RASGEF1C: variants seen among roughly 807,000 people sequenced by gnomAD.
RASGEF1C encodes RasGEF domain family member 1C, also known as ras-GEF domain-containing family member 1C.
In RASGEF1C, 27 loss-of-function variants were observed where a neutral mutation model predicts 58.1. That is an observed-to-expected ratio of 0.46 (90% CI 0.34 to 0.64). The LOEUF is 0.64. Ranked by LOEUF, RASGEF1C falls within the 30% of genes least tolerant of loss-of-function variation. The pLI is 0.01. For synonymous variants in RASGEF1C, 243 were observed against 246.3 expected (o/e 0.99, Z 0.13); for missense variants, 502 against 605.1 (o/e 0.83, Z 1.79).
At chr5:180,172,431 G>A (rs1023938196) in intron 1 of RASGEF1C, among the ~76,000 whole-genome samples, 36 of 152,174 alleles carry the variant, frequency 2.4e-4, no homozygotes, top group Admixed American at 3.3e-4. Flanking sequence ...GGGCCCAGGG[G>A]TCATGAGGCA....
At chr5:180,167,359 A>C (rs1767038953) in intron 1 of RASGEF1C, among the ~76,000 whole-genome samples, 1 of 152,098 alleles carries the variant, frequency 6.6e-6, no homozygotes, top group Admixed American at 6.5e-5. Context: ...TATTAAGTCC[A>C]TCCAGTGAAT....
chr5:180,199,244 A>G (rs2127563956), intron 1 of RASGEF1C, among the ~76,000 whole-genome samples: 1 of 152,306 alleles, frequency 6.6e-6, no homozygotes, highest in East Asian at 1.9e-4. Context: ...AAAGAGTCTG[A>G]CAAATCCGGA....
chr5:180,118,574 T>G (rs1766109939), intron 10 of RASGEF1C, 35 bp downstream of exon 10: 1 of 1,556,752 alleles, frequency 6.4e-7, no homozygotes, highest in Non-Finnish European at 8.7e-7. Flanking sequence ...GGTTCCCTGC[T>G]GCAGCCCCCC....
chr5:180,194,377 A>C (rs944727236), intron 1 of RASGEF1C, among the ~76,000 whole-genome samples: 1 of 152,238 alleles, frequency 6.6e-6, no homozygotes, highest in Non-Finnish European at 1.5e-5. Flanking sequence ...CAAACATTTC[A>C]AGAACGGTGA....
intron 1 of RASGEF1C, among the ~76,000 whole-genome samples, chr5:180,145,161 C>T (rs866974434): frequency 6.6e-6 from 1 of 152,134 alleles, no homozygotes; most frequent in Admixed American, 6.5e-5. Flanking sequence ...CACTCTGTCA[C>T]CCAGGCTGGA....
intron 1 of RASGEF1C, among the ~76,000 whole-genome samples, chr5:180,144,805 A>G (rs1486974323): frequency 6.6e-6 from 1 of 151,798 alleles, no homozygotes; most frequent in Admixed American, 6.6e-5. Context: ...TAACTCCCCA[A>G]TTTCTCCTCC....
chr5:180,105,817 G>A (rs1220094075), intron 12 of RASGEF1C, among the ~76,000 whole-genome samples: 1 of 151,972 alleles, frequency 6.6e-6, no homozygotes, highest in Non-Finnish European at 1.5e-5. Context: ...GCAGTGAGCC[G>A]AGATCGTGCC....
In RASGEF1C at chr5:180,158,247, T is replaced by A. The variant is rs193289644; in HGVS notation, c.-6-20189A>T. 8.8e-4 allele frequency among the ~76,000 whole-genome samples: 134 copies of A among 152,332 alleles called. No homozygotes were observed. Among genetic ancestry groups the A allele is most frequent in the African/African-American group, 3.0e-3 (124 of 41,578 alleles). On this transcript the variant is annotated intron_variant, in intron 1 of 13. Coordinates refer to ENST00000361132, the MANE Select transcript of RASGEF1C (RefSeq NM_175062.4). The surrounding 1 kb of genome is among the most constrained non-coding windows in gnomAD (Gnocchi z 4.0). ...CCCTCTGGATGTGGTACGAAGCTGTTACACTGAGATCACCTTTCACCATCC... is the reference window on the plus strand; with the variant it reads ...CCCTCTGGATGTGGTACGAAGCTGTAACACTGAGATCACCTTTCACCATCC...
At chr5:180,202,223 C>T (rs757615336) in intron 1 of RASGEF1C, among the ~76,000 whole-genome samples, 4 of 151,814 alleles carry the variant, frequency 2.6e-5, no homozygotes, top group Non-Finnish European at 5.9e-5. Flanking sequence ...AACCATAAAA[C>T]AAAAATAAAA....
intron 1 of RASGEF1C, among the ~76,000 whole-genome samples, chr5:180,153,995 G>T (rs1766809807): frequency 6.6e-6 from 1 of 152,202 alleles, no homozygotes; most frequent in Non-Finnish European, 1.5e-5. Context: ...TGTCCCAGAA[G>T]CCCCAGGATG....
Position 180,206,850 on chromosome 5 carries a change from T to C in RASGEF1C, c.-7+2178A>G, listed in dbSNP as rs559664361. On this transcript the variant is annotated intron_variant, in intron 1 of 13. Coordinates refer to ENST00000361132, the MANE Select transcript of RASGEF1C (RefSeq NM_175062.4). ...AACCAGGAGCTGTACGGCTAACTTT[T>C]GTGATAATGCTTAAATGACTTGTTT... is the stretch of plus-strand genomic sequence containing the variant. Among the ~76,000 whole-genome samples the C allele has an allele frequency of 1.1e-4, 16 of 152,312 alleles. No individual in the cohort carries two copies. In the South Asian group the frequency reaches 3.3e-3, roughly 32 times the overall value.
chr5:180,106,323 G>A (rs1369647567), intron 12 of RASGEF1C, among the ~76,000 whole-genome samples: 1 of 152,100 alleles, frequency 6.6e-6, no homozygotes, highest in Non-Finnish European at 1.5e-5. Context: ...TCCTGCTGCT[G>A]GCTTTGAGTT....
chr5:180,119,166 G>A (rs115241460), intron 8 of RASGEF1C, among the ~76,000 whole-genome samples, 180 bp downstream of exon 8: 4 of 152,220 alleles, frequency 2.6e-5, no homozygotes, highest in Admixed American at 2.6e-4. Flanking sequence ...AAAAGGGGTG[G>A]CTCCCCAGGA....
intron 1 of RASGEF1C, among the ~76,000 whole-genome samples, chr5:180,182,204 C>CAAAAAAAAAAAAAAAAA (rs1156831010): frequency 2.2e-4 from 5 of 22,768 alleles, no homozygotes; most frequent in African/African-American, 6.1e-4. Context: ...GACTCCGTCT[C>CAAAAAAAAAAAAAAAAA]AAAAAAAAAA....
intron 1 of RASGEF1C, among the ~76,000 whole-genome samples, chr5:180,201,339 G>A (rs1756391832): frequency 6.6e-6 from 1 of 152,084 alleles, no homozygotes; most frequent in Admixed American, 6.5e-5. Flanking sequence ...AAGGACCTAC[G>A]GAAGCAAAAG....
In RASGEF1C at chr5:180,113,038, C is replaced by T. The variant is rs1349101895; in HGVS notation, c.1179+1408G>A. ...GAGGGACCGGGGATGGACGGAGGGA[C>T]CGGGGATGGACGGAGGGATCCGGGC... On this transcript the variant is annotated intron_variant, in intron 11 of 13. Transcript: ENST00000361132. Among the ~76,000 whole-genome samples, 16 of 103,452 alleles carry T rather than the reference C, an allele frequency of 1.5e-4. 1 individual carries two copies. In the South Asian group the frequency reaches 4.0e-3, roughly 26 times the overall value. The allele number at this position is 103,452 out of a possible 152,430, so 67.9% of individuals were successfully genotyped here.
At chr5:180,166,254 A>G (rs1460326080) in intron 1 of RASGEF1C, among the ~76,000 whole-genome samples, 1 of 152,100 alleles carries the variant, frequency 6.6e-6, no homozygotes. Context: ...GCCATCTGAC[A>G]CTGTTATTTT....
chr5:180,173,878 A>C (rs139646606), intron 1 of RASGEF1C, among the ~76,000 whole-genome samples: 16 of 148,384 alleles, frequency 1.1e-4, no homozygotes, highest in Middle Eastern at 3.5e-3. Flanking sequence ...GTGCCACTGC[A>C]CTCCAGCCTG....
chr5:180,119,125 C>A (rs1375359431), intron 8 of RASGEF1C, among the ~76,000 whole-genome samples: 1 of 152,262 alleles, frequency 6.6e-6, no homozygotes, highest in Non-Finnish European at 1.5e-5. Flanking sequence ...CAAGCCCTCA[C>A]CAAACATCCC....
Sources: gnomAD v4.1 joint callset for allele counts (sites outside exome capture counted in the v4.1 genomes callset) on GRCh38, gnomAD v4.1.1 for gene constraint, Gnocchi (gnomAD v3.1) non-coding constraint, MANE v1.5 for transcripts, NCBI Gene and HGNC (gene_info 2026-07-23, HGNC 2026-07-21) for gene names.